The following KRT80 variants were observed in gnomAD, a reference collection of about 807,000 sequenced individuals.
The protein encoded by KRT80 is keratin 80.
Under a neutral mutation model 51.5 loss-of-function variants are expected in KRT80, and 36 were observed. That is an observed-to-expected ratio of 0.70 (90% CI 0.54 to 0.92). KRT80 has a LOEUF of 0.92. KRT80 is among the 40% of genes least tolerant of loss of function. The pLI is 0.00. For synonymous variants in KRT80, 235 were observed against 248.3 expected (o/e 0.95, Z 0.50); for missense variants, 566 against 591.7 (o/e 0.96, Z 0.45).
intron 1 of KRT80, among the ~76,000 whole-genome samples, chr12:52,187,669 A>G (rs1295606835): frequency 6.6e-6 from 1 of 152,052 alleles, no homozygotes; most frequent in African/African-American, 2.4e-5. Flanking sequence ...CTTGAAGCCA[A>G]CCTTAATCCT....
Position 52,191,786 on chromosome 12 carries a change from C to A in KRT80, c.117G>T (p.Pro39=), listed in dbSNP as rs151126893. ...CTGTGAGGCTGCGGGAGCTGAAGCC[C>A]GGCCCGGGGGCCCTGCAGCTGTCCC... ...SGWDSCRAPG[P]GFSSRSLTGC... is the part of the protein sequence containing the mutation. The change falls in exon 1 of 9, where the codon CCG becomes CCT. Residue 39 remains proline (P), a synonymous_variant. Coordinates refer to ENST00000394815, the MANE Select transcript of KRT80 (RefSeq NM_182507.3). 5 of 1,610,714 alleles carry A rather than the reference C, an allele frequency of 3.1e-6. No homozygotes were observed. Among genetic ancestry groups the A allele is most frequent in the Non-Finnish European group, 4.2e-6 (5 of 1,178,742 alleles).
At chr12:52,171,898 C>T (rs548079571) in intron 7 of KRT80, among the ~76,000 whole-genome samples, 185 bp from the exon 8 acceptor site, 3 of 152,144 alleles carry the variant, frequency 2.0e-5, no homozygotes, top group East Asian at 1.9e-4. Context: ...TGTCCCATCT[C>T]CATGGCATAA....
At chr12:52,171,854 G>C (rs1454209875) in intron 7 of KRT80, 141 bp from the exon 8 acceptor site, 1 of 651,710 alleles carries the variant, frequency 1.5e-6, no homozygotes, top group Non-Finnish European at 2.7e-6. Context: ...CTGTTGTGTG[G>C]CCCTGGCTAG....
At chr12:52,182,359 G>A (rs1301200575) in intron 2 of KRT80, among the ~76,000 whole-genome samples, 4 of 152,208 alleles carry the variant, frequency 2.6e-5, no homozygotes, top group African/African-American at 9.7e-5. Flanking sequence ...ATGAGGAAAT[G>A]GAGGCTCAAG....
intron 4 of KRT80, among the ~76,000 whole-genome samples, chr12:52,177,911 A>G (rs1592360450): frequency 6.6e-6 from 1 of 152,112 alleles, no homozygotes; most frequent in East Asian, 1.9e-4. Context: ...TATATTTTTG[A>G]TATATTGGGC....
chr12:52,174,842 G>A (rs950271143), intron 4 of KRT80, among the ~76,000 whole-genome samples: 1 of 152,194 alleles, frequency 6.6e-6, no homozygotes, highest in African/African-American at 2.4e-5. Flanking sequence ...GGTGTGTAGG[G>A]AGGCAGGTGG....
At chr12:52,178,983 C>A (rs984707235) in intron 4 of KRT80, among the ~76,000 whole-genome samples, 2 of 152,170 alleles carry the variant, frequency 1.3e-5, no homozygotes, top group Non-Finnish European at 2.9e-5. Context: ...TTGTGGGGTG[C>A]TCAGGAATAT....
In KRT80 at chr12:52,171,478, T is replaced by C. The variant is rs1488836993; in HGVS notation, c.1279A>G (p.Lys427Glu). The C allele has an allele frequency of 6.2e-7, 1 of 1,613,152 alleles. No homozygotes were observed. Among genetic ancestry groups the C allele is most frequent in the Admixed American group, 1.7e-5 (1 of 59,910 alleles). The change falls in exon 9 of 9, where the codon AAG (lysine) becomes GAG (glutamate). Residue 427 changes from lysine to glutamate, a missense_variant. By Grantham distance (56) the Lys-to-Glu change is moderately conservative (BLOSUM62 1). Coordinates refer to ENST00000394815, the MANE Select transcript of KRT80 (RefSeq NM_182507.3). ...TTGATCACGGGGCCTTTGCTGCCCT[T>C]CTTCTTTCGGGAGGGGGCCTTGGAG... ...GLSKAPSRKKKGSKGPVIKIT... is the reference protein window; with the variant it reads ...GLSKAPSRKKEGSKGPVIKIT...
At chr12:52,187,169 G>A (rs1186391772) in intron 1 of KRT80, among the ~76,000 whole-genome samples, 1 of 152,234 alleles carries the variant, frequency 6.6e-6, no homozygotes, top group African/African-American at 2.4e-5. Context: ...CGTCAGTGTG[G>A]GTTGTTTGTC....
rs934475496 is a variant in KRT80 at position 52,169,660 on chromosome 12, G to A, written c.*1738C>T. On this transcript the variant is annotated 3_prime_UTR_variant, in exon 9 of 9. Transcript: ENST00000394815. Reference sequence around the variant, plus strand: ...ATAGTACATACAGACTGATCATGCAGAAACAGGAAGGGAAGCAATAAGTTA... The same window carrying A: ...ATAGTACATACAGACTGATCATGCAAAAACAGGAAGGGAAGCAATAAGTTA... 1.3e-5 allele frequency: 2 copies of A among 152,596 alleles called. No homozygotes were observed. Among genetic ancestry groups the A allele is most frequent in the African/African-American group, 4.8e-5 (2 of 41,444 alleles). The allele number at this position is 152,596 out of a possible 1,614,324, so 9.5% of individuals were successfully genotyped here.
intron 6 of KRT80, 98 bp from the exon 7 acceptor site, chr12:52,172,516 G>A: frequency 9.2e-7 from 1 of 1,083,412 alleles, no homozygotes; most frequent in South Asian, 1.6e-5. Context: ...GGGTAGGTGT[G>A]GGGAGGGAGG....
rs781144670 is a variant in KRT80, at chr12:52,191,769, C to G, written c.134G>C (p.Ser45Thr). 243 of 1,612,464 alleles carry G rather than the reference C, an allele frequency of 1.5e-4. No homozygotes were observed. The highest frequency in any genetic ancestry group is 1.9e-4 in the Non-Finnish European group (219 of 1,179,520). Residue 45 changes from serine (S) to threonine (T), a missense_variant, in exon 1 of 9, where the codon AGC becomes ACC. Physicochemically the swap from Ser to Thr is moderately conservative, Grantham distance 58. Transcript: ENST00000394815. The part of the protein sequence containing the change: ...RAPGPGFSSR[S>T]LTGCWSAGTI... ...GCCAGCCGACCAGCAGCCTGTGAGG[C>G]TGCGGGAGCTGAAGCCCGGCCCGGG... is the stretch of plus-strand genomic sequence containing the variant.
chr12:52,169,840 A>G lies in KRT80; in HGVS notation c.*1558T>C, dbSNP rs1376206338. 1 of 152,268 alleles carries G rather than the reference A, an allele frequency of 6.6e-6. No individual in the cohort carries two copies. Among genetic ancestry groups the G allele is most frequent in the Admixed American group, 6.5e-5 (1 of 15,284 alleles). 9.4% of individuals were successfully genotyped at this position (152,268 alleles called of 1,614,324 possible). A position where few individuals can be genotyped will look rare whatever the true frequency, so the allele number is the denominator to read the frequency against. ...TGGGGATGAGAATCTCTGAGTTCCC[A>G]TGGCCAGAGAGTCAGTAACCCTCCA... On this transcript the variant is annotated 3_prime_UTR_variant, in exon 9 of 9. Coordinates refer to ENST00000394815, the MANE Select transcript of KRT80 (RefSeq NM_182507.3).
At chr12:52,172,455 C>T in intron 6 of KRT80, 37 bp from the exon 7 acceptor site, 1 of 1,578,940 alleles carries the variant, frequency 6.3e-7, no homozygotes, top group East Asian at 2.3e-5. Flanking sequence ...GGCCTGTGAG[C>T]AGGGGAAGGA....
At chr12:52,191,279 G>A (rs12579421) in intron 1 of KRT80, among the ~76,000 whole-genome samples, 15,962 of 152,208 alleles carry the variant, frequency 0.1, 1,669 homozygotes, top group East Asian at 0.54. Flanking sequence ...CCATTCCTGC[G>A]AGAGGGCACC....
Position 52,169,344 on chromosome 12 carries a change from A to T in KRT80, c.*2054T>A, listed in dbSNP as rs901260641. On this transcript the variant is annotated 3_prime_UTR_variant, in exon 9 of 9. Coordinates refer to ENST00000394815, the MANE Select transcript of KRT80 (RefSeq NM_182507.3). ...GAGATTTGGAGGGGACGAGCATCCA[A>T]ACCATATCAGATGGTGAGACAGGAG... is the stretch of plus-strand genomic sequence containing the variant. 1.3e-5 allele frequency: 2 copies of T among 152,246 alleles called. No homozygotes were observed. The highest frequency in any genetic ancestry group is 4.8e-5 in the African/African-American group (2 of 41,438). 9.4% of individuals were successfully genotyped at this position (152,246 alleles called of 1,614,324 possible).
chr12:52,169,037 G>T lies in KRT80; in HGVS notation c.*2361C>A, dbSNP rs546576330. The T allele has an allele frequency of 6.6e-6, 1 of 152,364 alleles. No individual in the cohort carries two copies. Among genetic ancestry groups the T allele is most frequent in the South Asian group, 2.1e-4 (1 of 4,820 alleles). 9.4% of individuals were successfully genotyped at this position (152,364 alleles called of 1,614,324 possible). On this transcript the variant is annotated 3_prime_UTR_variant, in exon 9 of 9. Transcript: ENST00000394815. ...GACATTTATTTTGGCTCACAATTCT[G>T]CAGGCTGTACTGGCATGGCACCAAC...
At chr12:52,177,822 T>C (rs1941257164) in intron 4 of KRT80, among the ~76,000 whole-genome samples, 1 of 152,142 alleles carries the variant, frequency 6.6e-6, no homozygotes, top group African/African-American at 2.4e-5. Context: ...GCCAGGTTTT[T>C]CTTCCACCTG....
At position 52,185,439 on chromosome 12, in the gene KRT80, C is replaced by G. The variant is rs145246078; in HGVS notation, c.449G>C (p.Arg150Pro). The G allele has an allele frequency of 7.4e-6, 12 of 1,614,070 alleles. No homozygotes were observed. The highest frequency in any genetic ancestry group is 3.3e-5 in the Admixed American group (2 of 60,030). ...QEELRKVSQE[R>P]GQLEANLLQV... is the part of the protein sequence containing the mutation. ...CAGCAGGTTGGCCTCCAGCTGCCCC[C>G]GCTCCTGGCTCACTTTGCGCAGTTC... is the stretch of plus-strand genomic sequence containing the variant. The change falls in exon 2 of 9, where the codon CGG (arginine) becomes CCG (proline). Residue 150 changes from arginine (R) to proline (P), a missense_variant. Coordinates refer to ENST00000394815, the MANE Select transcript of KRT80 (RefSeq NM_182507.3).
Sources: gnomAD v4.1 joint callset for allele counts (sites outside exome capture counted in the v4.1 genomes callset) on GRCh38, gnomAD v4.1.1 for gene constraint, MANE v1.5 for transcripts, NCBI Gene and HGNC (gene_info 2026-07-23, HGNC 2026-07-21) for gene names.